Variants in SNX10 observed in about 807,000 individuals in gnomAD.
SNX10 encodes the protein sorting nexin 10, also known as sorting nexin-10.
Under a neutral mutation model 28.5 loss-of-function variants are expected in SNX10, and 25 were observed. The observed-to-expected ratio is 0.88, with a 90% CI of 0.64 to 1.22. The LOEUF (loss-of-function observed/expected upper bound fraction) is 1.22. Ranked by LOEUF, SNX10 falls within the 50% of genes most tolerant of loss-of-function variation. SNX10 has a pLI of 0.00. For synonymous variants in SNX10, 62 were observed against 81.4 expected (o/e 0.76, Z 1.28); for missense variants, 223 against 242.6 (o/e 0.92, Z 0.54).
chr7:26,353,460 T>TGGCG (rs371699790), intron 2 of SNX10, among the ~76,000 whole-genome samples: 1 of 83,432 alleles, frequency 1.2e-5, no homozygotes, highest in Non-Finnish European at 2.4e-5. Flanking sequence ...TTTTTTTTTT[T>TGGCG]GGTGGGGAGA....
At position 26,361,036 on chromosome 7, in the gene SNX10, AC is replaced by A. The variant is rs1562818675; in HGVS notation, c.87del (p.Tyr29Ter). The A allele has an allele frequency of 6.2e-7, 1 of 1,608,356 alleles. No individual in the cohort carries two copies. The highest frequency in any genetic ancestry group is 8.5e-7 in the Non-Finnish European group (1 of 1,175,372). ...RIQKEDFWHSYIDYEICIHTN... is the reference protein window; with the variant it reads ...RIQKEDFWHSXIDYEICIHTN... ...CAGAAGGAGGACTTCTGGCATTCTTACATTGACTATGAGATATGTATTCATG... is the reference window on the plus strand; with the variant it reads ...CAGAAGGAGGACTTCTGGCATTCTTAATTGACTATGAGATATGTATTCATG... On this transcript the variant is annotated frameshift_variant, in exon 3 of 7. Transcript: ENST00000338523. LOFTEE classifies it high-confidence loss of function.
Position 26,364,733 on chromosome 7 carries a change from G to C in SNX10, c.212+98G>C. ...ATATAAGATATGAAGGATTTTTATAGGCTTTTGCCTTGATTACAATATGTA... is the reference window on the plus strand; with the variant it reads ...ATATAAGATATGAAGGATTTTTATACGCTTTTGCCTTGATTACAATATGTA... On this transcript the variant is annotated intron_variant, in intron 4 of 6. Transcript: ENST00000338523. This position sits in a 1 kb window ranked among gnomAD's most constrained non-coding sequence, Gnocchi z 4.9. The C allele has an allele frequency of 1.2e-6, 1 of 836,834 alleles. No homozygotes were observed. The highest frequency in any genetic ancestry group is 1.8e-6 in the Non-Finnish European group (1 of 542,726). 51.8% of individuals were successfully genotyped at this position (836,834 alleles called of 1,614,324 possible). A position where few individuals can be genotyped will look rare whatever the true frequency, so the allele number is the denominator to read the frequency against.
chr7:26,329,466 T>C (rs1030168996), intron 1 of SNX10, among the ~76,000 whole-genome samples: 1 of 152,182 alleles, frequency 6.6e-6, no homozygotes, highest in Non-Finnish European at 1.5e-5. Flanking sequence ...CATCACCCAG[T>C]TTTGTTTTTC....
chr7:26,334,507 A>G (rs923453645), intron 1 of SNX10, among the ~76,000 whole-genome samples: 3 of 152,232 alleles, frequency 2.0e-5, no homozygotes, highest in African/African-American at 7.2e-5. Flanking sequence ...CAGTGTCTGC[A>G]TCTCAGGTAG....
At position 26,371,847 on chromosome 7, in the gene SNX10, C is replaced by G. The variant is rs753014293; in HGVS notation, c.338C>G (p.Ser113Ter). The G allele has an allele frequency of 7.4e-6, 12 of 1,612,878 alleles. No homozygotes were observed. The highest frequency in any genetic ancestry group is 1.0e-5 in the Non-Finnish European group (12 of 1,179,352). Residue 113 changes from serine to a stop codon, truncating the protein, a stop_gained, in exon 6 of 7, where the codon TCA becomes TGA. Transcript: ENST00000338523. LOFTEE classifies it high-confidence loss of function. ...GTCCTACAGAATGCACTTTTGCTTTCAGATAGCAGCCTTCACCTCTTCTTA... is the reference window on the plus strand; with the variant it reads ...GTCCTACAGAATGCACTTTTGCTTTGAGATAGCAGCCTTCACCTCTTCTTA... Reference protein sequence around the residue: ...RKVLQNALLLSDSSLHLFLQS... With the variant: ...RKVLQNALLL
At chr7:26,338,649 C>T (rs942954726) in intron 1 of SNX10, among the ~76,000 whole-genome samples, 11 of 152,156 alleles carry the variant, frequency 7.2e-5, no homozygotes, top group African/African-American at 2.7e-4. Flanking sequence ...CGTGATCCGC[C>T]CACCTCGGCC....
chr7:26,351,493 T>G (rs1345441279), intron 2 of SNX10, among the ~76,000 whole-genome samples: 4 of 151,982 alleles, frequency 2.6e-5, no homozygotes, highest in Non-Finnish European at 2.9e-5. Flanking sequence ...CCTCAAATTG[T>G]CAAGGTCATG....
chr7:26,303,934 A>C (rs1331627743), intron 1 of SNX10, among the ~76,000 whole-genome samples: 2 of 152,208 alleles, frequency 1.3e-5, no homozygotes, highest in African/African-American at 4.8e-5. Flanking sequence ...TAGATATTTA[A>C]CATTGAATTT....
Position 26,373,789 on chromosome 7 carries a change from G to A in SNX10, c.*1217G>A, listed in dbSNP as rs548662747. ...TTGTTACCCAGCCTAATTGAAGAGT[G>A]GCAGAGGCTACTACAAAAAGCAACC... On this transcript the variant is annotated 3_prime_UTR_variant, in exon 7 of 7. Transcript: ENST00000338523. The surrounding 1 kb of genome is among the most constrained non-coding windows in gnomAD (Gnocchi z 4.2). 166 of 151,964 alleles carry A rather than the reference G, an allele frequency of 1.1e-3. No homozygotes were observed. Among genetic ancestry groups the A allele is most frequent in the African/African-American group, 3.9e-3 (161 of 41,484 alleles). The allele number at this position is 151,964 out of a possible 1,614,324, so 9.4% of individuals were successfully genotyped here.
chr7:26,343,879 A>G (rs1294071523), intron 1 of SNX10, among the ~76,000 whole-genome samples: 1 of 152,102 alleles, frequency 6.6e-6, no homozygotes, highest in East Asian at 1.9e-4. Context: ...ATCTCACACC[A>G]TCCTTTAGGC....
intron 1 of SNX10, among the ~76,000 whole-genome samples, chr7:26,300,411 A>G (rs895179011): frequency 6.6e-6 from 1 of 152,106 alleles, no homozygotes; most frequent in African/African-American, 2.4e-5. Flanking sequence ...TTTATTTTTA[A>G]AGATAATAAG....
At chr7:26,357,041 G>A in intron 2 of SNX10, 1 of 1,205,570 alleles carries the variant, frequency 8.3e-7, no homozygotes. Context: ...ACTAATGGAA[G>A]GCATTGGATG....
intron 1 of SNX10, among the ~76,000 whole-genome samples, chr7:26,302,338 C>T (rs1013748095): frequency 2.6e-5 from 4 of 152,128 alleles, no homozygotes; most frequent in Admixed American, 6.5e-5. Context: ...CTTGCCCTGA[C>T]GTGACCTTGA....
At chr7:26,331,828 T>C (rs912632537) in intron 1 of SNX10, among the ~76,000 whole-genome samples, 8 of 152,226 alleles carry the variant, frequency 5.3e-5, no homozygotes, top group Non-Finnish European at 7.3e-5. Flanking sequence ...GAAGTTTCTA[T>C]TCTGGACTTT....
chr7:26,304,826 C>T (rs975559419), intron 1 of SNX10, among the ~76,000 whole-genome samples: 4 of 152,134 alleles, frequency 2.6e-5, no homozygotes, highest in African/African-American at 9.7e-5. Flanking sequence ...ATCACACATT[C>T]TTTTTTAACC....
At chr7:26,354,615 A>G (rs1242615299) in intron 2 of SNX10, among the ~76,000 whole-genome samples, 2 of 152,186 alleles carry the variant, frequency 1.3e-5, no homozygotes, top group Admixed American at 6.5e-5. Context: ...TCCTGAGCTC[A>G]AGTGATCCTC....
intron 1 of SNX10, among the ~76,000 whole-genome samples, chr7:26,320,659 C>A (rs1212533111): frequency 6.6e-6 from 1 of 151,984 alleles, no homozygotes; most frequent in Non-Finnish European, 1.5e-5. Context: ...GTCTTGAACT[C>A]CTGACCTTTT....
At chr7:26,309,813 G>T (rs866191168) in intron 1 of SNX10, among the ~76,000 whole-genome samples, 8 of 152,068 alleles carry the variant, frequency 5.3e-5, no homozygotes, top group South Asian at 2.1e-4. Context: ...CCTGGGCCGC[G>T]ATCCTGGCTT....
chr7:26,347,609 G>T (rs1018016948), intron 2 of SNX10, among the ~76,000 whole-genome samples: 3 of 152,192 alleles, frequency 2.0e-5, no homozygotes, highest in Admixed American at 6.5e-5. Context: ...CAGCACTTTG[G>T]GAGACCGAGG....
Sources: gnomAD v4.1 joint callset for allele counts (sites outside exome capture counted in the v4.1 genomes callset) on GRCh38, gnomAD v4.1.1 for gene constraint, Gnocchi (gnomAD v3.1) non-coding constraint, MANE v1.5 for transcripts, NCBI Gene and HGNC (gene_info 2026-07-23, HGNC 2026-07-21) for gene names.